CADPS: variants seen among roughly 807,000 people sequenced by gnomAD.
CADPS encodes the protein calcium dependent secretion activator.
A neutral mutation model predicts 167.3 loss-of-function variants in CADPS; 57 were observed. The observed-to-expected ratio is 0.34, with a 90% CI of 0.28 to 0.42. The LOEUF (loss-of-function observed/expected upper bound fraction) is 0.42, where lower values mean the gene tolerates loss of function less well. CADPS is among the 20% of genes least tolerant of loss of function. The pLI is 1.00. For missense variants in CADPS, 1,414 were observed against 1,738.1 expected (o/e 0.81, Z 3.32); for synonymous variants, 676 against 635.3 (o/e 1.06, Z -0.96).
intron 28 of CADPS, among the ~76,000 whole-genome samples, chr3:62,410,264 A>G (rs2048709983): frequency 6.6e-6 from 1 of 152,254 alleles, no homozygotes; most frequent in African/African-American, 2.4e-5. Context: ...TGATAGTTGA[A>G]ATCCACTAGG....
intron 1 of CADPS, among the ~76,000 whole-genome samples, chr3:62,830,783 T>C (rs1376232928): frequency 6.6e-6 from 1 of 152,154 alleles, no homozygotes; most frequent in Non-Finnish European, 1.5e-5. Flanking sequence ...GGAGACTTGA[T>C]TAGATTATTC....
At position 62,536,512 on chromosome 3, in the gene CADPS, G is replaced by A; in HGVS notation, c.2036C>T (p.Ala679Val). Residue 679 changes from alanine to valine, a missense_variant, in exon 12 of 30, where the codon GCT becomes GTT. Physicochemically the swap from Ala to Val is moderately conservative, Grantham distance 64. Transcript: ENST00000383710. ...GCGTTGTACCATCTCAAAGAGGGAA[G>A]CGTGGTCAAAGTTACAGGGGTTGGA... ...ISSNPCNFDH[A>V]SLFEMVQRLT... 2 of 1,613,126 alleles carry A rather than the reference G, an allele frequency of 1.2e-6. No homozygotes were observed. Among genetic ancestry groups the A allele is most frequent in the Non-Finnish European group, 1.7e-6 (2 of 1,179,202 alleles).
intron 26 of CADPS, among the ~76,000 whole-genome samples, chr3:62,449,187 C>T (rs2057679103): frequency 6.6e-6 from 1 of 152,230 alleles, no homozygotes; most frequent in Admixed American, 6.5e-5. Context: ...CAGCCAGGAA[C>T]TGGCCATTTC....
intron 17 of CADPS, among the ~76,000 whole-genome samples, chr3:62,508,102 G>T (rs1418799191): frequency 6.6e-6 from 1 of 152,148 alleles, no homozygotes; most frequent in Admixed American, 6.5e-5. Context: ...AGAGCTGCAC[G>T]TATATGACTC....
intron 10 of CADPS, among the ~76,000 whole-genome samples, chr3:62,551,572 T>C (rs1249534688): frequency 6.6e-6 from 1 of 152,148 alleles, no homozygotes; most frequent in Non-Finnish European, 1.5e-5. Flanking sequence ...CTGCCAGCAG[T>C]TCCACGTTCC....
intron 3 of CADPS, among the ~76,000 whole-genome samples, chr3:62,749,109 C>T (rs1180132940): frequency 6.6e-6 from 1 of 152,138 alleles, no homozygotes; most frequent in Admixed American, 6.5e-5. Context: ...TGCCATTTTA[C>T]TTTGGATATT....
chr3:62,599,878 A>ACC (rs2059684890), intron 6 of CADPS, among the ~76,000 whole-genome samples: 1 of 72,558 alleles, frequency 1.4e-5, no homozygotes, highest in Admixed American at 2.5e-4. Flanking sequence ...AATAATATAT[A>ACC]ATATATATAT....
At chr3:62,868,592 G>A (rs190222367) in intron 1 of CADPS, among the ~76,000 whole-genome samples, 128 of 152,180 alleles carry the variant, frequency 8.4e-4, no homozygotes, top group Admixed American at 7.5e-3. Flanking sequence ...AAATGCATTC[G>A]TAGATCAGTT....
chr3:62,489,934 T>C (rs1333600561), intron 21 of CADPS, among the ~76,000 whole-genome samples: 1 of 152,158 alleles, frequency 6.6e-6, no homozygotes, highest in Non-Finnish European at 1.5e-5. Flanking sequence ...AAGAGACTGT[T>C]ATAAACTGGA....
At chr3:62,445,737 C>CAA in intron 27 of CADPS, 28 bp downstream of exon 27, 1 of 1,441,774 alleles carries the variant, frequency 6.9e-7, no homozygotes, top group Non-Finnish European at 9.3e-7. Context: ...CAAAAAAACC[C>CAA]CATGAGAAAC....
chr3:62,577,196 C>T (rs912121104), intron 8 of CADPS, among the ~76,000 whole-genome samples: 6 of 152,070 alleles, frequency 3.9e-5, no homozygotes, highest in Non-Finnish European at 8.8e-5. Flanking sequence ...ATGCTTGTAA[C>T]TTTTCATTTG....
At chr3:62,727,943 A>G (rs960110814) in intron 3 of CADPS, among the ~76,000 whole-genome samples, 4 of 151,844 alleles carry the variant, frequency 2.6e-5, no homozygotes, top group Non-Finnish European at 5.9e-5. Context: ...CACAAACTCA[A>G]TTTTGGTTCT....
chr3:62,790,196 T>A (rs760868923), intron 1 of CADPS, among the ~76,000 whole-genome samples: 3 of 152,176 alleles, frequency 2.0e-5, no homozygotes, highest in Admixed American at 6.5e-5. Flanking sequence ...GCAACATATA[T>A]TTTTATAAAT....
At chr3:62,461,799 C>T (rs1189867844) in intron 26 of CADPS, among the ~76,000 whole-genome samples, 1 of 152,180 alleles carries the variant, frequency 6.6e-6, no homozygotes, top group Non-Finnish European at 1.5e-5. Flanking sequence ...GGAAATGCTT[C>T]TCCCACCGGA....
At chr3:62,842,497 C>T (rs1157277593) in intron 1 of CADPS, among the ~76,000 whole-genome samples, 1 of 152,158 alleles carries the variant, frequency 6.6e-6, no homozygotes, top group Non-Finnish European at 1.5e-5. Flanking sequence ...GTTTAATTTT[C>T]TTCATGATTG....
At chr3:62,481,962 G>C (rs2062083074) in intron 21 of CADPS, 93 bp from the exon 22 acceptor site, 1 of 1,283,738 alleles carries the variant, frequency 7.8e-7, no homozygotes, top group African/African-American at 1.5e-5. Flanking sequence ...AATTGACCAA[G>C]TCCACAGCAA....
chr3:62,676,775 C>T (rs1241877846), intron 3 of CADPS, among the ~76,000 whole-genome samples: 1 of 152,112 alleles, frequency 6.6e-6, no homozygotes, highest in African/African-American at 2.4e-5. Context: ...TCTGACCGTG[C>T]TTAATAGATT....
intron 1 of CADPS, among the ~76,000 whole-genome samples, chr3:62,833,664 T>G (rs2153000310): frequency 6.6e-6 from 1 of 152,162 alleles, no homozygotes. Context: ...CAAACTGGGT[T>G]TCTGCAAAAT....
intron 26 of CADPS, among the ~76,000 whole-genome samples, chr3:62,459,070 G>A (rs2059030017): frequency 1.3e-5 from 2 of 152,242 alleles, no homozygotes; most frequent in African/African-American, 4.8e-5. Context: ...CAAAGGGGAT[G>A]TCAAATTCTG....
Sources: gnomAD v4.1 joint callset for allele counts (sites outside exome capture counted in the v4.1 genomes callset) on GRCh38, gnomAD v4.1.1 for gene constraint, MANE v1.5 for transcripts, NCBI Gene and HGNC (gene_info 2026-07-23, HGNC 2026-07-21) for gene names.